The following TAF2 variants were observed in gnomAD, a reference collection of about 807,000 sequenced individuals.
The protein encoded by TAF2 is transcription initiation factor TFIID subunit 2.
Under a neutral mutation model 138.5 loss-of-function variants are expected in TAF2, and 61 were observed. The ratio of observed to expected loss-of-function variants is 0.44; its 90% CI spans 0.36 to 0.54. The LOEUF is 0.54. TAF2 is among the 20% of genes least tolerant of loss of function. The probability of loss-of-function intolerance (pLI) is 0.00; values close to 1 mark genes in which losing one functional copy is unlikely to be tolerated. For missense variants in TAF2, 1,090 were observed against 1,427.9 expected, an observed-to-expected ratio of 0.76 and a Z score of 3.81; for synonymous variants, 475 against 469.9, an observed-to-expected ratio of 1.01 and a Z score of -0.14.
intron 25 of TAF2, among the ~76,000 whole-genome samples, chr8:119,735,515 G>T (rs1819168405): frequency 6.6e-6 from 1 of 152,084 alleles, no homozygotes; most frequent in African/African-American, 2.4e-5. Context: ...CAATATTTTA[G>T]AACACGTGAA....
chr8:119,806,296 C>G lies in TAF2; in HGVS notation c.405G>C (p.Trp135Cys), dbSNP rs557455884. The stretch of plus-strand genomic sequence containing the variant: ...TTGGTGCTTTACCATCAACGTGTTT[C>G]CATAGCTCTGATGGAACCTTAATGC... ...ELCIKVPSEL[W>C]KHVDELKVLK... Residue 135 changes from tryptophan (W) to cysteine (C), a missense_variant, in exon 4 of 26, where the codon TGG becomes TGC. Trp to Cys is a radical substitution (Grantham distance 215). Coordinates refer to ENST00000378164, the MANE Select transcript of TAF2 (RefSeq NM_003184.4). 2 of 1,613,790 alleles carry G rather than the reference C, an allele frequency of 1.2e-6. No homozygotes were observed. Among genetic ancestry groups the G allele is most frequent in the East Asian group, 4.5e-5 (2 of 44,876 alleles).
chr8:119,776,037 G>T (rs1161966178), intron 18 of TAF2, among the ~76,000 whole-genome samples: 1 of 152,086 alleles, frequency 6.6e-6, no homozygotes, highest in Non-Finnish European at 1.5e-5. Context: ...CCTAAAATTG[G>T]TATGCATAGA....
At chr8:119,782,827 TG>T (rs1337695360) in intron 16 of TAF2, among the ~76,000 whole-genome samples, 1 of 152,160 alleles carries the variant, frequency 6.6e-6, no homozygotes, top group Non-Finnish European at 1.5e-5. Context: ...ATTATTACAG[TG>T]GGATAATTAA....
intron 3 of TAF2, 67 bp from the exon 4 acceptor site, chr8:119,806,468 T>TA: frequency 1.8e-5 from 20 of 1,109,666 alleles, no homozygotes; most frequent in South Asian, 2.7e-5. Context: ...TTTCTTTCTT[T>TA]CTTTTTTTTT....
At chr8:119,821,523 C>T (rs1022813821) in intron 2 of TAF2, among the ~76,000 whole-genome samples, 7 of 152,196 alleles carry the variant, frequency 4.6e-5, no homozygotes, top group African/African-American at 1.2e-4. Flanking sequence ...CTAGTTTCCA[C>T]GACTACTTCT....
At chr8:119,826,595 CTT>C (rs34714105) in intron 2 of TAF2, among the ~76,000 whole-genome samples, 1 of 145,680 alleles carries the variant, frequency 6.9e-6, no homozygotes. Context: ...CCATTTCCTC[CTT>C]TTTTTTTTTT....
intron 2 of TAF2, 95 bp from the exon 3 acceptor site, chr8:119,819,601 C>T: frequency 1.9e-6 from 2 of 1,038,206 alleles, no homozygotes; most frequent in East Asian, 4.8e-5. Context: ...TATTATACTA[C>T]AGAGACAAAA....
chr8:119,733,607 G>A (rs1254201536), intron 25 of TAF2, among the ~76,000 whole-genome samples: 1 of 152,058 alleles, frequency 6.6e-6, no homozygotes, highest in Non-Finnish European at 1.5e-5. Context: ...AGACCCACAG[G>A]CCTATAATCC....
chr8:119,738,016 C>T (rs949267707), intron 25 of TAF2, among the ~76,000 whole-genome samples: 1 of 151,882 alleles, frequency 6.6e-6, no homozygotes, highest in Non-Finnish European at 1.5e-5. Flanking sequence ...CAACCTTTAG[C>T]TCTTAAGTTT....
chr8:119,796,860 A>C, intron 8 of TAF2, 130 bp downstream of exon 8: 3 of 640,610 alleles, frequency 4.7e-6, no homozygotes, highest in Admixed American at 3.0e-5. Flanking sequence ...TTTTTCTTTA[A>C]ATACATATAG....
At chr8:119,824,959 C>T (rs893175795) in intron 2 of TAF2, among the ~76,000 whole-genome samples, 5 of 152,234 alleles carry the variant, frequency 3.3e-5, no homozygotes, top group African/African-American at 1.2e-4. Context: ...TCAGAGCCCC[C>T]ACACAGGGTC....
At chr8:119,773,617 A>G (rs916393109) in intron 18 of TAF2, among the ~76,000 whole-genome samples, 11 of 151,576 alleles carry the variant, frequency 7.3e-5, no homozygotes, top group Non-Finnish European at 1.2e-4. Context: ...GAAATATGCC[A>G]AAAGTTATAA....
Position 119,760,618 on chromosome 8 carries a change from T to G in TAF2, c.2679A>C (p.Ala893=). 6.2e-7 allele frequency: 1 copy of G among 1,613,642 alleles called. No individual in the cohort carries two copies. The highest frequency in any genetic ancestry group is 8.5e-7 in the Non-Finnish European group (1 of 1,179,942). ...FVDIRIAALE[A]VVDYTKVDRS... Reference sequence around the variant, plus strand: ...TATTACCTTTAGTATAATCAACAACTGCTTCCAAAGCTGCTATCCTAATGT... The same window carrying G: ...TATTACCTTTAGTATAATCAACAACGGCTTCCAAAGCTGCTATCCTAATGT... The change falls in exon 20 of 26, where the codon GCA becomes GCC. Residue 893 remains alanine, a synonymous_variant. Coordinates refer to ENST00000378164, the MANE Select transcript of TAF2 (RefSeq NM_003184.4).
intron 22 of TAF2, among the ~76,000 whole-genome samples, chr8:119,748,458 T>C (rs535475799): frequency 1.3e-5 from 2 of 151,170 alleles, no homozygotes; most frequent in South Asian, 2.1e-4. Context: ...GCTATAATGT[T>C]GTGAAAGAGC....
intron 18 of TAF2, among the ~76,000 whole-genome samples, chr8:119,773,270 C>A (rs1416605429): frequency 2.6e-5 from 4 of 151,334 alleles, no homozygotes; most frequent in African/African-American, 9.7e-5. Flanking sequence ...ACTACCATTT[C>A]TATTTATGTA....
chr8:119,828,807 G>A (rs994417044), intron 2 of TAF2, among the ~76,000 whole-genome samples: 22 of 152,282 alleles, frequency 1.4e-4, no homozygotes, highest in Admixed American at 9.8e-4. Flanking sequence ...CACACTAACA[G>A]AATAGCTCAG....
At chr8:119,816,320 G>A (rs902123386) in intron 3 of TAF2, among the ~76,000 whole-genome samples, 5 of 151,594 alleles carry the variant, frequency 3.3e-5, no homozygotes, top group Non-Finnish European at 5.9e-5. Flanking sequence ...GCCTCCCAGA[G>A]TGCTGGGATT....
Position 119,783,442 on chromosome 8 carries a change from A to G in TAF2, c.2051T>C (p.Ile684Thr), listed in dbSNP as rs1386731609. ...TPASRLALTD[I>T]LEQEQCFYRV... Reference sequence around the variant, plus strand: ...GTAGAAACACTGCTCTTGTTCTAATATATCAGTGAGTGCAAGCCGAGATGC... The same window carrying G: ...GTAGAAACACTGCTCTTGTTCTAATGTATCAGTGAGTGCAAGCCGAGATGC... Residue 684 changes from isoleucine to threonine, a missense_variant, in exon 16 of 26, where the codon ATA (isoleucine) becomes ACA (threonine). This residue lies in a region of TAF2 where 580 missense variants were observed against 719.6 expected (regional missense o/e 0.81). Coordinates refer to ENST00000378164, the MANE Select transcript of TAF2 (RefSeq NM_003184.4). 2 of 1,614,158 alleles carry G rather than the reference A, an allele frequency of 1.2e-6. No individual in the cohort carries two copies. Among genetic ancestry groups the G allele is most frequent in the African/African-American group, 1.3e-5 (1 of 75,042 alleles).
At chr8:119,803,177 C>T (rs1824381592) in intron 5 of TAF2, among the ~76,000 whole-genome samples, 1 of 152,092 alleles carries the variant, frequency 6.6e-6, no homozygotes, top group African/African-American at 2.4e-5. Flanking sequence ...AGTATGAAAG[C>T]AGGTGAGAGG....
Sources: gnomAD v4.1 joint callset for allele counts (sites outside exome capture counted in the v4.1 genomes callset) on GRCh38, gnomAD v4.1.1 for gene constraint, gnomAD v4.1.1 regional missense constraint, MANE v1.5 for transcripts, NCBI Gene and HGNC (gene_info 2026-07-23, HGNC 2026-07-21) for gene names.